The following PIEZO2 variants were observed in gnomAD, a reference collection of about 807,000 sequenced individuals.
PIEZO2 encodes the protein piezo-type mechanosensitive ion channel component 2.
PIEZO2 carries 172 observed loss-of-function variants against 337.3 expected under a neutral mutation model. The observed-to-expected ratio is 0.51, with a 90% CI of 0.45 to 0.58. The LOEUF (loss-of-function observed/expected upper bound fraction) is 0.58. Ranked by LOEUF, PIEZO2 falls within the 20% of genes least tolerant of loss-of-function variation. The probability of loss-of-function intolerance (pLI) is 0.00; values close to 1 mark genes in which losing one functional copy is unlikely to be tolerated. For missense variants in PIEZO2, 3,028 were observed against 3,391.3 expected (o/e 0.89, Z 2.66); for synonymous variants, 1,251 against 1,228.5 (o/e 1.02, Z -0.38).
chr18:11,032,459 G>A lies in PIEZO2; in HGVS notation c.160+33668C>T, dbSNP rs529998402. Among the ~76,000 whole-genome samples the A allele has an allele frequency of 1.6e-3, 238 of 152,298 alleles. 3 individuals are homozygous for A. Among genetic ancestry groups the A allele is most frequent in the Middle Eastern group, 0.01 (3 of 294 alleles). Reference sequence around the variant, plus strand: ...AGCTCTTGCTCTATTAGAATACGGAGCTATTCTTGGCATGCTCTCGAGTAA... The same window carrying A: ...AGCTCTTGCTCTATTAGAATACGGAACTATTCTTGGCATGCTCTCGAGTAA... On this transcript the variant is annotated intron_variant, in intron 2 of 55. Coordinates refer to ENST00000674853, the MANE Select transcript of PIEZO2 (RefSeq NM_001378183.1). This position sits in a 1 kb window ranked among gnomAD's most constrained non-coding sequence, Gnocchi z 4.9.
intron 36 of PIEZO2, among the ~76,000 whole-genome samples, chr18:10,729,491 G>T (rs115524601): frequency 6.6e-6 from 1 of 151,980 alleles, no homozygotes; most frequent in African/African-American, 2.4e-5. Context: ...AGGCGTGGTG[G>T]TGTGCGCCTA....
At chr18:11,010,737 G>A (rs566422799) in intron 2 of PIEZO2, among the ~76,000 whole-genome samples, 1 of 152,286 alleles carries the variant, frequency 6.6e-6, no homozygotes, top group South Asian at 2.1e-4. Flanking sequence ...AAGAATCCGA[G>A]TATATCAAGC....
chr18:10,743,773 T>A (rs1251414066), intron 31 of PIEZO2, among the ~76,000 whole-genome samples: 1 of 152,218 alleles, frequency 6.6e-6, no homozygotes, highest in Non-Finnish European at 1.5e-5. Flanking sequence ...GCTAGTTTAA[T>A]CTTTACAAAA....
chr18:10,842,752 T>C lies in PIEZO2; in HGVS notation c.917+12601A>G, dbSNP rs530709692. On this transcript the variant is annotated intron_variant, in intron 7 of 55. Coordinates refer to ENST00000674853, the MANE Select transcript of PIEZO2 (RefSeq NM_001378183.1). Reference sequence around the variant, plus strand: ...ATTGTGATGATGGTTTCAATGGATGTGTTTATGGCAAAACTTATCAAATTG... The same window carrying C: ...ATTGTGATGATGGTTTCAATGGATGCGTTTATGGCAAAACTTATCAAATTG... 5.2e-5 allele frequency among the ~76,000 whole-genome samples: 8 copies of C among 152,386 alleles called. 1 individual carries two copies. The South Asian group carries it at 1.7e-3, about 32-fold the overall frequency.
Position 10,903,040 on chromosome 18 carries a change from G to A in PIEZO2, c.329+8146C>T, listed in dbSNP as rs192590006. ...ATCCCCAGCCTTTCCAGGCTGCCCCGGGGAGACAGCAGCTATGGGGAGGCA... is the reference window on the plus strand; with the variant it reads ...ATCCCCAGCCTTTCCAGGCTGCCCCAGGGAGACAGCAGCTATGGGGAGGCA... On this transcript the variant is annotated intron_variant, in intron 4 of 55. Coordinates refer to ENST00000674853, the MANE Select transcript of PIEZO2 (RefSeq NM_001378183.1). This position sits in a 1 kb window ranked among gnomAD's most constrained non-coding sequence, Gnocchi z 4.1. Among the ~76,000 whole-genome samples the A allele has an allele frequency of 3.3e-5, 5 of 152,196 alleles. No homozygotes were observed. In the South Asian group the frequency reaches 6.2e-4, roughly 19 times the overall value.
intron 4 of PIEZO2, among the ~76,000 whole-genome samples, chr18:10,886,972 G>A (rs1174853204): frequency 2.6e-5 from 4 of 152,088 alleles, no homozygotes; most frequent in East Asian, 1.9e-4. Flanking sequence ...GTTTTCAATC[G>A]TGGCAGAAGG....
chr18:10,960,145 A>T (rs1028075190), intron 3 of PIEZO2, among the ~76,000 whole-genome samples: 1 of 152,144 alleles, frequency 6.6e-6, no homozygotes, highest in African/African-American at 2.4e-5. Flanking sequence ...ATATCTTTTT[A>T]TTGAAGTTAT....
chr18:10,704,596 CG>C lies in PIEZO2; in HGVS notation c.6055del (p.Arg2019AspfsTer24). 6.5e-7 allele frequency: 1 copy of C among 1,537,274 alleles called. No individual in the cohort carries two copies. Among genetic ancestry groups the C allele is most frequent in the South Asian group, 1.2e-5 (1 of 84,054 alleles). On this transcript the variant is annotated frameshift_variant, in exon 42 of 56. Coordinates refer to ENST00000674853, the MANE Select transcript of PIEZO2 (RefSeq NM_001378183.1). LOFTEE classifies it high-confidence loss of function. ...CATGGCATAGAAGAGCAGCAGAAATCGGGGCTGCCCCACGTAGAATTTCTCT... is the reference window on the plus strand; with the variant it reads ...CATGGCATAGAAGAGCAGCAGAAATCGGGCTGCCCCACGTAGAATTTCTCT... ...ESEKFYVGQP[R>X]FLLLFYAMYN...
At chr18:10,848,513 T>A (rs1013617996) in intron 7 of PIEZO2, among the ~76,000 whole-genome samples, 4 of 152,194 alleles carry the variant, frequency 2.6e-5, no homozygotes, top group African/African-American at 9.7e-5. Context: ...ACAGGACAAA[T>A]CATTGTACAT....
intron 15 of PIEZO2, among the ~76,000 whole-genome samples, chr18:10,787,943 A>G (rs1292215700): frequency 1.3e-5 from 2 of 152,170 alleles, no homozygotes; most frequent in East Asian, 3.8e-4. Context: ...ATGAAATATG[A>G]AAGCAGTCAA....
rs190492893 is a variant in PIEZO2 at position 10,857,057 on chromosome 18, C to T, written c.647G>A (p.Gly216Asp). Residue 216 changes from glycine to aspartate, a missense_variant, in exon 6 of 56, where the codon GGC becomes GAC. Transcript: ENST00000674853. ...TTTCCCAGCAGTGGTGATCATGTTG[C>T]CAATGAACTCCTTGAGCTTAGAGGC... ...SVASKLKEFI[G>D]NMITTAGKVV... The T allele has an allele frequency of 1.3e-6, 2 of 1,537,390 alleles. No individual in the cohort carries two copies. Among genetic ancestry groups the T allele is most frequent in the African/African-American group, 1.4e-5 (1 of 73,158 alleles).
At chr18:10,701,012 C>T (rs953699114) in intron 43 of PIEZO2, among the ~76,000 whole-genome samples, 1 of 152,152 alleles carries the variant, frequency 6.6e-6, no homozygotes, top group East Asian at 1.9e-4. Context: ...GCTCACTGAG[C>T]TAGGGCAGAA....
At chr18:10,805,084 A>G (rs2144309973) in intron 8 of PIEZO2, among the ~76,000 whole-genome samples, 1 of 152,350 alleles carries the variant, frequency 6.6e-6, no homozygotes, top group Middle Eastern at 3.4e-3. Context: ...GCATGGACCC[A>G]AAGTTATAAC....
rs377144656 is a variant in PIEZO2, at chr18:11,000,312, G to C, written c.161-20652C>G. The stretch of plus-strand genomic sequence containing the variant: ...ATTTTCTATTTCCAATTTTGTATTG[G>C]CATATTACGGAGCCAAAAGAAAGTA... On this transcript the variant is annotated intron_variant, in intron 2 of 55. Transcript: ENST00000674853. Among the ~76,000 whole-genome samples the C allele has an allele frequency of 1.1e-4, 16 of 152,164 alleles. No individual in the cohort carries two copies. The South Asian group carries it at 2.5e-3, about 24-fold the overall frequency.
rs1035290003 is a variant in PIEZO2, at chr18:10,952,912, CTCCT to C, written c.286+26619_286+26622del. Among the ~76,000 whole-genome samples the C allele has an allele frequency of 1.4e-5, 2 of 144,580 alleles. No individual in the cohort carries two copies. The highest frequency in any genetic ancestry group is 7.1e-5 in the Admixed American group (1 of 14,044). The allele number at this position is 144,580 out of a possible 152,430, so 94.9% of individuals were successfully genotyped here. On this transcript the variant is annotated intron_variant, in intron 3 of 55. Transcript: ENST00000674853. The surrounding 1 kb of genome is among the most constrained non-coding windows in gnomAD (Gnocchi z 4.1). ...CATCCCTCCCTCCATCCCTCCCTCC[CTCCT>C]TCCTTCCTTCTTTTTTTCATTCTAA...
chr18:10,920,771 A>G (rs2031337745), intron 3 of PIEZO2, among the ~76,000 whole-genome samples: 1 of 152,192 alleles, frequency 6.6e-6, no homozygotes, highest in Non-Finnish European at 1.5e-5. Context: ...AAGAATGTGC[A>G]GGCCAGGCAC....
intron 2 of PIEZO2, among the ~76,000 whole-genome samples, chr18:11,064,993 G>A (rs544173629): frequency 6.6e-6 from 1 of 152,252 alleles, no homozygotes; most frequent in Admixed American, 6.5e-5. Flanking sequence ...GTTTTATAAG[G>A]ATTTGCATAA....
intron 11 of PIEZO2, 119 bp from the exon 12 acceptor site, chr18:10,797,641 A>T: frequency 3.5e-6 from 5 of 1,431,700 alleles, no homozygotes; most frequent in Non-Finnish European, 4.6e-6. Flanking sequence ...GATTTCAGAA[A>T]TTGTTTCCCA....
rs991455438 is a variant in PIEZO2 at position 11,077,582 on chromosome 18, G to A, written c.65-11360C>T. Among the ~76,000 whole-genome samples, 6 of 152,162 alleles carry A rather than the reference G, an allele frequency of 3.9e-5. No individual in the cohort carries two copies. Among genetic ancestry groups the A allele is most frequent in the African/African-American group, 1.4e-4 (6 of 41,438 alleles). Reference sequence around the variant, plus strand: ...CTACTCTACATGGGAGACTGAGGTGGGAGGATTGCTTGAGCCCAGGAGTTC... The same window carrying A: ...CTACTCTACATGGGAGACTGAGGTGAGAGGATTGCTTGAGCCCAGGAGTTC... On this transcript the variant is annotated intron_variant, in intron 1 of 55. Coordinates refer to ENST00000674853, the MANE Select transcript of PIEZO2 (RefSeq NM_001378183.1). The surrounding 1 kb of genome is among the most constrained non-coding windows in gnomAD (Gnocchi z 4.8).
Sources: gnomAD v4.1 joint callset for allele counts (sites outside exome capture counted in the v4.1 genomes callset) on GRCh38, gnomAD v4.1.1 for gene constraint, Gnocchi (gnomAD v3.1) non-coding constraint, MANE v1.5 for transcripts, NCBI Gene and HGNC (gene_info 2026-07-23, HGNC 2026-07-21) for gene names.